FHIT: variants seen among roughly 807,000 people sequenced by gnomAD.
The protein encoded by FHIT is bis(5'-adenosyl)-triphosphatase.
Under a neutral mutation model 17.9 loss-of-function variants are expected in FHIT, and 19 were observed. That is an observed-to-expected ratio of 1.06 (90% CI 0.74 to 1.56). The LOEUF is 1.56. Among genes scored for constraint, FHIT ranks in the 40% most tolerant of loss-of-function variants. The pLI is 0.00. For synonymous variants in FHIT, 81 were observed against 69.7 expected, an observed-to-expected ratio of 1.16 and a Z score of -0.81; for missense variants, 248 against 189.2, an observed-to-expected ratio of 1.31 and a Z score of -1.82.
intron 4 of FHIT, 149 bp downstream of exon 4, chr3:60,821,770 T>G (rs1212080579): frequency 1.3e-5 from 2 of 152,148 alleles, no homozygotes; most frequent in African/African-American, 4.8e-5. Flanking sequence ...GAGGGTAAAT[T>G]CTCCAAGGGA....
chr3:60,489,597 T>C (rs931573828), intron 5 of FHIT, among the ~76,000 whole-genome samples: 11 of 152,210 alleles, frequency 7.2e-5, no homozygotes, highest in African/African-American at 2.7e-4. Context: ...TACACCATGC[T>C]ACTGCTCACT....
At position 60,217,888 on chromosome 3, in the gene FHIT, G is replaced by A. The variant is rs9841213; in HGVS notation, c.104-203736C>T. Among the ~76,000 whole-genome samples, 671 of 152,106 alleles carry A rather than the reference G, an allele frequency of 4.4e-3. 4 individuals are homozygous for A. Among genetic ancestry groups the A allele is most frequent in the Middle Eastern group, 0.031 (9 of 294 alleles). On this transcript the variant is annotated intron_variant, in intron 5 of 9. Coordinates refer to ENST00000492590, the MANE Select transcript of FHIT (RefSeq NM_002012.4). The stretch of plus-strand genomic sequence containing the variant: ...TATGTATCCTTTTATATCTCTCATG[G>A]GATCATGGAATTTTTCTTAGCAGCA...
chr3:60,585,031 C>G (rs2037862554), intron 4 of FHIT, among the ~76,000 whole-genome samples: 1 of 151,928 alleles, frequency 6.6e-6, no homozygotes, highest in Admixed American at 6.6e-5. Flanking sequence ...ATCAACAAAA[C>G]TATTTTAATA....
chr3:60,729,305 C>T, intron 4 of FHIT, among the ~76,000 whole-genome samples: 1 of 152,204 alleles, frequency 6.6e-6, no homozygotes, highest in East Asian at 1.9e-4. Flanking sequence ...AGCCACCATT[C>T]ACTGGGACAA....
intron 5 of FHIT, among the ~76,000 whole-genome samples, chr3:60,405,797 A>G (rs1397211318): frequency 3.3e-5 from 5 of 152,222 alleles, no homozygotes; most frequent in African/African-American, 1.2e-4. Flanking sequence ...AGCATTCTGC[A>G]ATGTACACAG....
chr3:60,656,513 C>T (rs1318222036), intron 4 of FHIT, among the ~76,000 whole-genome samples: 4 of 152,114 alleles, frequency 2.6e-5, no homozygotes, highest in African/African-American at 4.8e-5. Context: ...TCCATTCAAA[C>T]GCACATCCTC....
Position 61,127,208 on chromosome 3 carries a change from T to G in FHIT, c.-164+73409A>C, listed in dbSNP as rs186943354. Among the ~76,000 whole-genome samples, 14 of 152,148 alleles carry G rather than the reference T, an allele frequency of 9.2e-5. No individual in the cohort carries two copies. The East Asian group carries it at 2.1e-3, about 23-fold the overall frequency. On this transcript the variant is annotated intron_variant, in intron 2 of 9. Transcript: ENST00000492590. ...ACCCCTTATGAGCCTGCCACAATAA[T>G]CCAAGTGACAGGTGACAGTAGCTTG...
chr3:60,107,325 TA>T (rs899368141), intron 5 of FHIT, among the ~76,000 whole-genome samples: 6 of 151,818 alleles, frequency 4.0e-5, no homozygotes, highest in Non-Finnish European at 8.8e-5. Flanking sequence ...GAAACAAAAC[TA>T]AAAAAAATTA....
At chr3:60,296,887 TTCTTTC>T (rs1404389923) in intron 5 of FHIT, among the ~76,000 whole-genome samples, 2 of 150,886 alleles carry the variant, frequency 1.3e-5, no homozygotes, top group African/African-American at 4.9e-5. Context: ...GAAAAGTCTA[TTCTTTC>T]TCTAACTGAA....
chr3:60,182,361 G>A (rs1196828478), intron 5 of FHIT, among the ~76,000 whole-genome samples: 1 of 152,208 alleles, frequency 6.6e-6, no homozygotes, highest in Non-Finnish European at 1.5e-5. Flanking sequence ...ATGATTTGGT[G>A]AGAGCACTGC....
At chr3:59,984,884 T>G (rs1397636015) in intron 7 of FHIT, among the ~76,000 whole-genome samples, 1 of 152,054 alleles carries the variant, frequency 6.6e-6, no homozygotes, top group Non-Finnish European at 1.5e-5. Flanking sequence ...ACTTCAAATG[T>G]GGTCCCTAAT....
Position 60,105,750 on chromosome 3 carries a change from G to T in FHIT, c.104-91598C>A, listed in dbSNP as rs1253249898. ...CCGACTCCAAATTTATAAAAAGTGT[G>T]GATTTTTTTTTAGTTGAAAGCCCAT... is the stretch of plus-strand genomic sequence containing the variant. On this transcript the variant is annotated intron_variant, in intron 5 of 9. Transcript: ENST00000492590. 2.2e-5 allele frequency among the ~76,000 whole-genome samples: 3 copies of T among 135,984 alleles called. No individual in the cohort carries two copies. The Admixed American group carries it at 2.4e-4, about 11-fold the overall frequency. 89.2% of individuals were successfully genotyped at this position (135,984 alleles called of 152,430 possible).
intron 4 of FHIT, among the ~76,000 whole-genome samples, chr3:60,714,405 T>C (rs1279557178): frequency 6.6e-6 from 1 of 151,986 alleles, no homozygotes; most frequent in African/African-American, 2.4e-5. Flanking sequence ...ACCACTCCTA[T>C]TCAACATAGT....
In FHIT at chr3:60,305,244, T is replaced by A. The variant is rs141011995; in HGVS notation, c.103+231616A>T. Among the ~76,000 whole-genome samples the A allele has an allele frequency of 1.3e-3, 199 of 152,204 alleles. 1 individual carries two copies. Among genetic ancestry groups the A allele is most frequent in the African/African-American group, 4.6e-3 (191 of 41,550 alleles). On this transcript the variant is annotated intron_variant, in intron 5 of 9. Coordinates refer to ENST00000492590, the MANE Select transcript of FHIT (RefSeq NM_002012.4). ...TAGGAAACACTGCTCTCCCAATGTA[T>A]CCTGAAGAAGTCCTTGTCAATCATT...
chr3:60,221,602 CTTATCT>C (rs899518272), intron 5 of FHIT, among the ~76,000 whole-genome samples: 1 of 152,176 alleles, frequency 6.6e-6, no homozygotes, highest in Non-Finnish European at 1.5e-5. Flanking sequence ...TGGCTGCCTA[CTTATCT>C]CTGCAACTTC....
intron 4 of FHIT, among the ~76,000 whole-genome samples, chr3:60,596,316 C>T (rs1178158460): frequency 6.6e-6 from 1 of 152,126 alleles, no homozygotes; most frequent in African/African-American, 2.4e-5. Context: ...TCAGCACGCA[C>T]AGGCTGCAGG....
At chr3:60,894,833 C>T (rs1705705833) in intron 3 of FHIT, among the ~76,000 whole-genome samples, 1 of 152,100 alleles carries the variant, frequency 6.6e-6, no homozygotes, top group Admixed American at 6.6e-5. Flanking sequence ...TTTATCTCTT[C>T]CTCCTCCTCT....
chr3:59,754,750 G>GAAGT (rs1169136400), intron 8 of FHIT, among the ~76,000 whole-genome samples: 3 of 152,180 alleles, frequency 2.0e-5, no homozygotes, highest in African/African-American at 4.8e-5. Flanking sequence ...ATCCTTAGAA[G>GAAGT]AAGTTTTTGG....
intron 8 of FHIT, among the ~76,000 whole-genome samples, chr3:59,773,612 C>T (rs144756261): frequency 2.6e-5 from 4 of 152,136 alleles, no homozygotes; most frequent in Admixed American, 6.6e-5. Context: ...ACGAAGCCTT[C>T]CTGGAGCACC....
Sources: gnomAD v4.1 joint callset for allele counts (sites outside exome capture counted in the v4.1 genomes callset) on GRCh38, gnomAD v4.1.1 for gene constraint, MANE v1.5 for transcripts, NCBI Gene and HGNC (gene_info 2026-07-23, HGNC 2026-07-21) for gene names.